Variants in ITPR2 observed in about 807,000 individuals in gnomAD.
The protein encoded by ITPR2 is inositol 1,4,5-trisphosphate-gated calcium channel ITPR2.
A neutral mutation model predicts 317.1 loss-of-function variants in ITPR2; 207 were observed. The observed-to-expected ratio is 0.65, with a 90% confidence interval of 0.58 to 0.73. The LOEUF (loss-of-function observed/expected upper bound fraction) is 0.73, where lower values mean the gene tolerates loss of function less well. ITPR2 is among the 30% of genes least tolerant of loss of function. ITPR2 has a pLI of 0.00. For missense variants in ITPR2, 2,613 were observed against 3,284.0 expected, an observed-to-expected ratio of 0.80 and a Z score of 4.99; for synonymous variants, 1,156 against 1,149.1, an observed-to-expected ratio of 1.01 and a Z score of -0.12.
intron 30 of ITPR2, among the ~76,000 whole-genome samples, chr12:26,598,429 C>A (rs552833022): frequency 6.6e-6 from 1 of 152,116 alleles, no homozygotes; most frequent in African/African-American, 2.4e-5. Context: ...TGGGTGGAAG[C>A]TCCCTTAACC....
At chr12:26,777,123 C>T (rs1949988740) in intron 2 of ITPR2, among the ~76,000 whole-genome samples, 1 of 152,142 alleles carries the variant, frequency 6.6e-6, no homozygotes, top group African/African-American at 2.4e-5. Context: ...AAAAAAGGTT[C>T]AAATAGTTTA....
chr12:26,803,089 A>C (rs576060467), intron 1 of ITPR2, among the ~76,000 whole-genome samples: 1 of 152,294 alleles, frequency 6.6e-6, no homozygotes, highest in Non-Finnish European at 1.5e-5. Flanking sequence ...TTTGGCTTTT[A>C]AAAAACTATT....
At chr12:26,690,707 T>G (rs1353907335) in intron 10 of ITPR2, among the ~76,000 whole-genome samples, 1 of 152,170 alleles carries the variant, frequency 6.6e-6, no homozygotes, top group African/African-American at 2.4e-5. Context: ...AATGTCTCCC[T>G]GTAAAGGCCC....
At chr12:26,817,544 C>T (rs1442421749) in intron 1 of ITPR2, among the ~76,000 whole-genome samples, 1 of 152,202 alleles carries the variant, frequency 6.6e-6, no homozygotes, top group Non-Finnish European at 1.5e-5. Flanking sequence ...CCTCTGCCTG[C>T]CATTTTCAGC....
intron 28 of ITPR2, among the ~76,000 whole-genome samples, chr12:26,601,908 A>G (rs1946007668): frequency 6.6e-6 from 1 of 152,208 alleles, no homozygotes; most frequent in African/African-American, 2.4e-5. Flanking sequence ...TGTCCCTGCC[A>G]AAGATGCCTA....
At chr12:26,454,352 G>C (rs191635160) in intron 45 of ITPR2, among the ~76,000 whole-genome samples, 1 of 151,856 alleles carries the variant, frequency 6.6e-6, no homozygotes, top group African/African-American at 2.4e-5. Context: ...CTACAAGCAC[G>C]CACCACCATG....
At chr12:26,520,347 ACTT>A (rs1943631108) in intron 37 of ITPR2, among the ~76,000 whole-genome samples, 1 of 151,978 alleles carries the variant, frequency 6.6e-6, no homozygotes, top group Non-Finnish European at 1.5e-5. Flanking sequence ...GGAAGAAGAG[ACTT>A]GTTCCTCTTC....
intron 55 of ITPR2, among the ~76,000 whole-genome samples, chr12:26,383,381 C>T (rs1434192168): frequency 6.6e-6 from 1 of 152,004 alleles, no homozygotes; most frequent in Non-Finnish European, 1.5e-5. Flanking sequence ...ATAAATATTC[C>T]TTACTGACAT....
At chr12:26,704,272 T>G (rs559330308) in intron 9 of ITPR2, among the ~76,000 whole-genome samples, 1 of 152,220 alleles carries the variant, frequency 6.6e-6, no homozygotes, top group Non-Finnish European at 1.5e-5. Flanking sequence ...TGTTAAAATA[T>G]TCTAATAATC....
At chr12:26,711,762 T>G (rs949718292) in intron 8 of ITPR2, among the ~76,000 whole-genome samples, 1 of 152,104 alleles carries the variant, frequency 6.6e-6, no homozygotes, top group Non-Finnish European at 1.5e-5. Context: ...ATTGAGTAAC[T>G]AGGGAAGGCA....
At chr12:26,430,494 C>A (rs7310358) in intron 48 of ITPR2, among the ~76,000 whole-genome samples, 3,129 of 152,276 alleles carry the variant, frequency 0.021, 99 homozygotes, top group African/African-American at 0.071. Context: ...GAACTCCTGA[C>A]CTCAGGTGAT....
chr12:26,652,562 G>A (rs550081471), intron 21 of ITPR2, among the ~76,000 whole-genome samples: 86 of 151,992 alleles, frequency 5.7e-4, no homozygotes, highest in Admixed American at 8.5e-4. Context: ...TATTGCCCCA[G>A]CTGCTGGGCA....
rs567857076 is a variant in ITPR2 at position 26,380,708 on chromosome 12, T to C, written c.7857+6726A>G. On this transcript the variant is annotated intron_variant, in intron 55 of 56. Coordinates refer to ENST00000381340, the MANE Select transcript of ITPR2 (RefSeq NM_002223.4). ...ACATAACAATAATGCAGAAATTAAG[T>C]TGGCCAGTGGTGCTAAAGCAGGAGG... is the stretch of plus-strand genomic sequence containing the variant. Among the ~76,000 whole-genome samples, 3 of 152,272 alleles carry C rather than the reference T, an allele frequency of 2.0e-5. No homozygotes were observed. In the South Asian group the frequency reaches 6.2e-4, roughly 32 times the overall value.
intron 55 of ITPR2, among the ~76,000 whole-genome samples, chr12:26,352,706 G>A (rs986248211): frequency 2.0e-5 from 3 of 152,192 alleles, no homozygotes; most frequent in African/African-American, 7.2e-5. Context: ...GGATAAGAAC[G>A]CATTCACAGA....
chr12:26,376,836 C>T (rs1565494685), intron 55 of ITPR2, among the ~76,000 whole-genome samples: 1 of 152,044 alleles, frequency 6.6e-6, no homozygotes, highest in Non-Finnish European at 1.5e-5. Context: ...TCAGGCAATC[C>T]TCCTGCCTCA....
intron 44 of ITPR2, among the ~76,000 whole-genome samples, chr12:26,476,473 C>A (rs970008803): frequency 7.9e-5 from 12 of 152,136 alleles, no homozygotes; most frequent in African/African-American, 2.9e-4. Flanking sequence ...TGAGGCCAAG[C>A]ATTGTACAAC....
At chr12:26,372,977 G>A (rs1189919355) in intron 55 of ITPR2, among the ~76,000 whole-genome samples, 1 of 152,118 alleles carries the variant, frequency 6.6e-6, no homozygotes, top group African/African-American at 2.4e-5. Flanking sequence ...TTCACTGTCT[G>A]TCCATAATCA....
chr12:26,772,467 G>GTATTATATATA (rs1257678699), intron 2 of ITPR2, among the ~76,000 whole-genome samples: 1 of 41,466 alleles, frequency 2.4e-5, no homozygotes, highest in Non-Finnish European at 4.7e-5. Flanking sequence ...TATAATACAT[G>GTATTATATATA]TATTATATAT....
At chr12:26,395,499 T>C (rs529979839) in intron 54 of ITPR2, among the ~76,000 whole-genome samples, 3 of 152,320 alleles carry the variant, frequency 2.0e-5, no homozygotes, top group East Asian at 3.9e-4. Flanking sequence ...GACAATATCA[T>C]GTCTTAGAAT....
Sources: allele counts gnomAD v4.1 joint callset (sites outside exome capture counted in the v4.1 genomes callset), GRCh38; gene constraint gnomAD v4.1.1; transcripts MANE v1.5; gene names NCBI Gene and HGNC (gene_info 2026-07-23, HGNC 2026-07-21).